The following NCOA2 variants were observed in gnomAD, a reference collection of about 807,000 sequenced individuals.
NCOA2 encodes the protein class E basic helix-loop-helix protein 75.
A neutral mutation model predicts 145.1 loss-of-function variants in NCOA2; 21 were observed. The observed-to-expected ratio is 0.14, with a 90% CI of 0.10 to 0.21. The LOEUF (loss-of-function observed/expected upper bound fraction) is 0.21. Among genes scored for constraint, NCOA2 ranks in the 10% least tolerant of loss-of-function variants. The pLI is 1.00. For missense variants in NCOA2, 1,472 were observed against 1,837.6 expected (o/e 0.80, Z 3.64); for synonymous variants, 619 against 637.5 (o/e 0.97, Z 0.44).
chr8:70,115,818 T>C (rs530477781), intron 22 of NCOA2, among the ~76,000 whole-genome samples: 1 of 152,300 alleles, frequency 6.6e-6, no homozygotes, highest in East Asian at 1.9e-4. Flanking sequence ...AGTCAACGGT[T>C]GTACATACTA....
At chr8:70,260,977 A>G (rs1040365573) in intron 2 of NCOA2, among the ~76,000 whole-genome samples, 1 of 152,218 alleles carries the variant, frequency 6.6e-6, no homozygotes, top group African/African-American at 2.4e-5. Flanking sequence ...GATGTGGAGA[A>G]ATAGGAACAC....
At chr8:70,364,205 A>G (rs558332479) in intron 1 of NCOA2, among the ~76,000 whole-genome samples, 1 of 152,264 alleles carries the variant, frequency 6.6e-6, no homozygotes, top group Non-Finnish European at 1.5e-5. Context: ...CACCAAATAA[A>G]GGGGCTATGG....
intron 2 of NCOA2, among the ~76,000 whole-genome samples, chr8:70,271,437 A>G (rs1825037225): frequency 6.6e-6 from 1 of 152,190 alleles, no homozygotes; most frequent in Non-Finnish European, 1.5e-5. Context: ...GCTCTTTTGT[A>G]ATCTCTAATG....
chr8:70,159,221 AT>A (rs1228649683), intron 10 of NCOA2, among the ~76,000 whole-genome samples: 1 of 26,586 alleles, frequency 3.8e-5, no homozygotes, highest in African/African-American at 1.4e-4. Context: ...ACAGTATAAC[AT>A]TATATATATA....
Position 70,267,237 on chromosome 8 carries a change from G to A in NCOA2, c.-20+29507C>T, listed in dbSNP as rs11996972. Among the ~76,000 whole-genome samples the A allele has an allele frequency of 9.3e-3, 1,412 of 152,248 alleles. 22 individuals carry two copies. Among genetic ancestry groups the A allele is most frequent in the African/African-American group, 0.032 (1,315 of 41,538 alleles). Reference sequence around the variant, plus strand: ...CCTGTGAAGATGTTCATGACTATGAGGCATAAGTAAATTAGAAAAAGACGT... The same window carrying A: ...CCTGTGAAGATGTTCATGACTATGAAGCATAAGTAAATTAGAAAAAGACGT... On this transcript the variant is annotated intron_variant, in intron 2 of 22. Coordinates refer to ENST00000452400, the MANE Select transcript of NCOA2 (RefSeq NM_006540.4).
chr8:70,299,257 G>A (rs1483468220), intron 1 of NCOA2, among the ~76,000 whole-genome samples: 1 of 152,088 alleles, frequency 6.6e-6, no homozygotes. Flanking sequence ...CAAAAGTGGA[G>A]GTAATAAAAG....
At chr8:70,166,221 T>C (rs1435757730) in intron 7 of NCOA2, among the ~76,000 whole-genome samples, 2 of 152,198 alleles carry the variant, frequency 1.3e-5, no homozygotes, top group African/African-American at 2.4e-5. Context: ...GTTATACTAG[T>C]ACAGTAGCCG....
In NCOA2 at chr8:70,141,329, C is replaced by G. The variant is rs1221077681; in HGVS notation, c.2883G>C (p.Val961=). The G allele has an allele frequency of 1.9e-6, 3 of 1,613,830 alleles. No homozygotes were observed. Among genetic ancestry groups the G allele is most frequent in the Non-Finnish European group, 1.7e-6 (2 of 1,179,900 alleles). The change falls in exon 14 of 23, where the codon GTG becomes GTC. Residue 961 remains valine (V), a synonymous_variant. Coordinates refer to ENST00000452400, the MANE Select transcript of NCOA2 (RefSeq NM_006540.4). ...TGGTGGTAGCAGCACAGGTGACTCT[C>G]ACAGCCGAACTCTGCGGTGCCCATT... ...SGEWAPQSSA[V]RVTCAATTSA...
chr8:70,357,158 G>A (rs1194080181), intron 1 of NCOA2, among the ~76,000 whole-genome samples: 1 of 152,012 alleles, frequency 6.6e-6, no homozygotes, highest in Non-Finnish European at 1.5e-5. Flanking sequence ...AAATTTATTT[G>A]AAATGCCCTC....
intron 2 of NCOA2, among the ~76,000 whole-genome samples, chr8:70,222,623 G>C (rs1168471712): frequency 6.6e-6 from 1 of 152,174 alleles, no homozygotes; most frequent in Non-Finnish European, 1.5e-5. Context: ...GACACTTCAA[G>C]ATGCCATTGG....
intron 1 of NCOA2, among the ~76,000 whole-genome samples, chr8:70,380,958 C>T (rs1221872324): frequency 6.6e-6 from 1 of 151,644 alleles, no homozygotes; most frequent in African/African-American, 2.4e-5. Context: ...CGCCTGTGGT[C>T]CCGACTACTT....
In NCOA2 at chr8:70,109,819, A is replaced by G. The variant is rs900147136; in HGVS notation, c.*3813T>C. On this transcript the variant is annotated 3_prime_UTR_variant, in exon 23 of 23. Coordinates refer to ENST00000452400, the MANE Select transcript of NCOA2 (RefSeq NM_006540.4). Reference sequence around the variant, plus strand: ...GCATTAAAATTTATTAAATGATGCAATAACAACAGAATTCTTTATTTACAA... The same window carrying G: ...GCATTAAAATTTATTAAATGATGCAGTAACAACAGAATTCTTTATTTACAA... 1.1e-5 allele frequency: 2 copies of G among 178,610 alleles called. No homozygotes were observed. The highest frequency in any genetic ancestry group is 6.3e-5 in the Admixed American group (1 of 15,878). 11.1% of individuals were successfully genotyped at this position (178,610 alleles called of 1,614,324 possible). A position where few individuals can be genotyped will look rare whatever the true frequency, so the allele number is the denominator to read the frequency against.
intron 1 of NCOA2, among the ~76,000 whole-genome samples, chr8:70,340,724 T>C (rs1252283931): frequency 2.0e-5 from 3 of 152,116 alleles, no homozygotes; most frequent in Non-Finnish European, 4.4e-5. Flanking sequence ...ATATGGTACA[T>C]ATAAACCACG....
chr8:70,431,627 A>T, the NCOA2 span, among the ~76,000 whole-genome samples: 1 of 152,366 alleles, frequency 6.6e-6, no homozygotes, highest in Admixed American at 6.5e-5. Flanking sequence ...TTAGTCTTTC[A>T]TGATGAATGA....
intron 2 of NCOA2, among the ~76,000 whole-genome samples, chr8:70,221,900 T>G (rs1820168064): frequency 6.6e-6 from 1 of 152,166 alleles, no homozygotes. Flanking sequence ...ATAGAGGACA[T>G]GACACAATAT....
intron 1 of NCOA2, among the ~76,000 whole-genome samples, chr8:70,312,728 A>T (rs1805237495): frequency 6.6e-6 from 1 of 152,170 alleles, no homozygotes; most frequent in South Asian, 2.1e-4. Flanking sequence ...TTAACACGAC[A>T]GTGTCCCTTT....
chr8:70,444,261 C>T, the NCOA2 span, among the ~76,000 whole-genome samples: 5 of 152,076 alleles, frequency 3.3e-5, no homozygotes, highest in Admixed American at 6.5e-5. Flanking sequence ...ATATATTGTA[C>T]GATTCCATTT....
chr8:70,412,396 T>A, the NCOA2 span, among the ~76,000 whole-genome samples: 1 of 149,066 alleles, frequency 6.7e-6, no homozygotes. Flanking sequence ...AACAACATAT[T>A]TTATATATAT....
chr8:70,441,969 G>A, the NCOA2 span, among the ~76,000 whole-genome samples: 2 of 123,584 alleles, frequency 1.6e-5, no homozygotes, highest in East Asian at 2.3e-4. Flanking sequence ...GAAAGAGAGA[G>A]AAAGAAAGAG....
Sources: gnomAD v4.1 joint callset for allele counts (sites outside exome capture counted in the v4.1 genomes callset) on GRCh38, gnomAD v4.1.1 for gene constraint, MANE v1.5 for transcripts, NCBI Gene and HGNC (gene_info 2026-07-23, HGNC 2026-07-21) for gene names.